PDCD6IP: variants seen among roughly 807,000 people sequenced by gnomAD.
PDCD6IP encodes the protein programmed cell death 6 interacting protein, also known as programmed cell death 6-interacting protein.
Under a neutral mutation model 103.7 loss-of-function variants are expected in PDCD6IP, and 43 were observed. The ratio of observed to expected loss-of-function variants is 0.41; its 90% confidence interval spans 0.32 to 0.53. PDCD6IP has a LOEUF of 0.53. Among genes scored for constraint, PDCD6IP ranks in the 20% least tolerant of loss-of-function variants. PDCD6IP has a pLI of 0.16. For missense variants in PDCD6IP, 871 were observed against 1,036.7 expected, an observed-to-expected ratio of 0.84 and a Z score of 2.20; for synonymous variants, 354 against 378.7, an observed-to-expected ratio of 0.93 and a Z score of 0.76.
intron 1 of PDCD6IP, among the ~76,000 whole-genome samples, chr3:33,809,841 T>C (rs551244116): frequency 9.2e-5 from 14 of 152,350 alleles, no homozygotes; most frequent in African/African-American, 3.4e-4. Flanking sequence ...CTTTTTAGAA[T>C]TTTCCTCAAT....
In PDCD6IP at chr3:33,836,250, C is replaced by G; in HGVS notation, c.1041C>G (p.Ile347Met). 6.2e-7 allele frequency: 1 copy of G among 1,600,112 alleles called. No homozygotes were observed. Among genetic ancestry groups the G allele is most frequent in the Non-Finnish European group, 8.6e-7 (1 of 1,167,592 alleles). ...LVKSTPVNVP[I>M]SQKFTDLFEK... The stretch of plus-strand genomic sequence containing the variant: ...AATCTACCCCGGTCAATGTACCCAT[C>G]AGTCAGAAATTTACTGGTATGTCAG... Residue 347 changes from isoleucine (I) to methionine (M), a missense_variant, in exon 8 of 18, where the codon ATC (isoleucine) becomes ATG (methionine). This residue lies in a region of PDCD6IP where 242 missense variants were observed against 250.7 expected (regional missense o/e 0.97). Transcript: ENST00000307296.
intron 7 of PDCD6IP, chr3:33,835,453 A>C (rs1050921531): frequency 2.6e-5 from 10 of 382,044 alleles, no homozygotes; most frequent in Middle Eastern, 3.9e-4. Context: ...ACAGTGGCGC[A>C]AGCCTGTAAT....
intron 12 of PDCD6IP, among the ~76,000 whole-genome samples, chr3:33,847,313 G>C (rs2125569640): frequency 6.6e-6 from 1 of 152,280 alleles, no homozygotes; most frequent in African/African-American, 2.4e-5. Flanking sequence ...ATTTTATTCA[G>C]TTATATCAGT....
At chr3:33,806,112 T>A (rs1696592083) in intron 1 of PDCD6IP, among the ~76,000 whole-genome samples, 1 of 152,104 alleles carries the variant, frequency 6.6e-6, no homozygotes, top group African/African-American at 2.4e-5. Context: ...ATGTATTTAT[T>A]TCCTAGTTTC....
At position 33,841,780 on chromosome 3, in the gene PDCD6IP, G is replaced by T. The variant is rs1697480510; in HGVS notation, c.1182-117G>T. On this transcript the variant is annotated intron_variant, in intron 9 of 17. Transcript: ENST00000307296. ...TGATAGGGCTTATCCAGTTTTTCTGGGTGCTAACTCCATTGCTGTTGATTT... is the reference window on the plus strand; with the variant it reads ...TGATAGGGCTTATCCAGTTTTTCTGTGTGCTAACTCCATTGCTGTTGATTT... The T allele has an allele frequency of 4.3e-6, 3 of 705,666 alleles. No homozygotes were observed. The East Asian group carries it at 7.9e-5, about 19-fold the overall frequency. The allele number at this position is 705,666 out of a possible 1,614,324, so 43.7% of individuals were successfully genotyped here.
chr3:33,818,982 T>G (rs1696926475), intron 3 of PDCD6IP, among the ~76,000 whole-genome samples: 1 of 152,204 alleles, frequency 6.6e-6, no homozygotes, highest in African/African-American at 2.4e-5. Flanking sequence ...TATTCGTGTG[T>G]AGGGCATTTC....
chr3:33,838,701 TACAC>T (rs1380849008), intron 9 of PDCD6IP, among the ~76,000 whole-genome samples: 4 of 151,990 alleles, frequency 2.6e-5, no homozygotes, highest in African/African-American at 9.7e-5. Flanking sequence ...AGGTATATTT[TACAC>T]ACACAAAATA....
At chr3:33,814,804 GTGTA>G (rs1433523050) in intron 3 of PDCD6IP, among the ~76,000 whole-genome samples, 1 of 141,814 alleles carries the variant, frequency 7.1e-6, no homozygotes, top group East Asian at 2.1e-4. Context: ...ATACATTTAT[GTGTA>G]TGTATAGTAT....
chr3:33,806,201 C>T (rs1029274261), intron 1 of PDCD6IP, among the ~76,000 whole-genome samples: 2 of 152,138 alleles, frequency 1.3e-5, no homozygotes, highest in African/African-American at 4.8e-5. Context: ...TACTGGAGAA[C>T]ATATATAAGT....
At chr3:33,815,316 C>G (rs1696823155) in intron 3 of PDCD6IP, among the ~76,000 whole-genome samples, 1 of 151,948 alleles carries the variant, frequency 6.6e-6, no homozygotes, top group Admixed American at 6.6e-5. Context: ...GTACTTTTCC[C>G]TCTTATATAA....
intron 3 of PDCD6IP, among the ~76,000 whole-genome samples, chr3:33,815,260 TAGAA>T (rs1363472473): frequency 6.6e-6 from 1 of 151,830 alleles, no homozygotes; most frequent in Non-Finnish European, 1.5e-5. Context: ...GTGATGATAT[TAGAA>T]AGCAGATTGT....
At chr3:33,814,758 C>T (rs1332494364) in intron 3 of PDCD6IP, among the ~76,000 whole-genome samples, 1 of 144,028 alleles carries the variant, frequency 6.9e-6, no homozygotes, top group African/African-American at 2.5e-5. Flanking sequence ...TATATACTTA[C>T]ATATACACAC....
At chr3:33,807,283 A>T (rs995163928) in intron 1 of PDCD6IP, among the ~76,000 whole-genome samples, 2 of 152,196 alleles carry the variant, frequency 1.3e-5, no homozygotes, top group Non-Finnish European at 2.9e-5. Context: ...AGGCCTGCTC[A>T]GCTGCCTGTT....
At chr3:33,863,219 CATA>C (rs1439346775) in intron 15 of PDCD6IP, among the ~76,000 whole-genome samples, 1 of 152,022 alleles carries the variant, frequency 6.6e-6, no homozygotes, top group Non-Finnish European at 1.5e-5. Context: ...GAATACAATG[CATA>C]ATAATCAAAT....
intron 3 of PDCD6IP, among the ~76,000 whole-genome samples, chr3:33,819,256 TTAA>T (rs1696932753): frequency 6.6e-6 from 1 of 152,108 alleles, no homozygotes; most frequent in Non-Finnish European, 1.5e-5. Context: ...TGAAAAAAAT[TTAA>T]CAATCAAGTT....
intron 12 of PDCD6IP, 120 bp from the exon 13 acceptor site, chr3:33,852,368 G>T: frequency 2.1e-6 from 3 of 1,410,778 alleles, no homozygotes; most frequent in Non-Finnish European, 2.8e-6. Context: ...TTTATATTTG[G>T]CTCTCTGAGA....
intron 9 of PDCD6IP, among the ~76,000 whole-genome samples, chr3:33,838,740 A>G (rs112307799): frequency 1.3e-4 from 19 of 151,534 alleles, no homozygotes; most frequent in African/African-American, 4.6e-4. Context: ...GCACAGTTCA[A>G]TTATTATATG....
At chr3:33,800,500 T>C (rs1407921663) in intron 1 of PDCD6IP, among the ~76,000 whole-genome samples, 7 of 152,100 alleles carry the variant, frequency 4.6e-5, no homozygotes, top group Non-Finnish European at 1.0e-4. Flanking sequence ...GAAGGGTTGG[T>C]TCTCCGAAGG....
intron 1 of PDCD6IP, among the ~76,000 whole-genome samples, chr3:33,802,829 G>A (rs895053532): frequency 3.3e-5 from 5 of 152,190 alleles, no homozygotes; most frequent in African/African-American, 1.2e-4. Context: ...TACCTTCAGA[G>A]TAGAGGATCT....
Sources: allele counts gnomAD v4.1 joint callset (sites outside exome capture counted in the v4.1 genomes callset), GRCh38; gene constraint gnomAD v4.1.1; regional missense constraint gnomAD v4.1.1; transcripts MANE v1.5; gene names NCBI Gene and HGNC (gene_info 2026-07-23, HGNC 2026-07-21).